The following SLC39A11 variants were observed in gnomAD, a reference collection of about 807,000 sequenced individuals.
SLC39A11 encodes the protein zinc transporter ZIP11.
SLC39A11 carries 33 observed loss-of-function variants against 36.1 expected under a neutral mutation model. That is an observed-to-expected ratio of 0.91 (90% CI 0.69 to 1.22). SLC39A11 has a LOEUF of 1.22. SLC39A11 is among the 50% of genes most tolerant of loss of function. The pLI is 0.00. For missense variants in SLC39A11, 432 were observed against 430.3 expected (o/e 1.00, Z -0.03); for synonymous variants, 166 against 170.3 (o/e 0.97, Z 0.20).
intron 5 of SLC39A11, among the ~76,000 whole-genome samples, chr17:72,903,416 T>A (rs2082495514): frequency 6.6e-6 from 1 of 152,144 alleles, no homozygotes; most frequent in Non-Finnish European, 1.5e-5. Context: ...CAACTCCATC[T>A]ATAATACTCG....
intron 4 of SLC39A11, among the ~76,000 whole-genome samples, chr17:72,953,150 C>T (rs1173828322): frequency 6.6e-6 from 1 of 151,996 alleles, no homozygotes; most frequent in Non-Finnish European, 1.5e-5. Flanking sequence ...CACCCACCAC[C>T]CAGGGCCACG....
intron 6 of SLC39A11, among the ~76,000 whole-genome samples, chr17:72,789,237 G>A (rs1444554769): frequency 6.6e-6 from 1 of 152,100 alleles, no homozygotes; most frequent in Non-Finnish European, 1.5e-5. Flanking sequence ...GTTTCAACAC[G>A]TTGGCCAGGC....
intron 6 of SLC39A11, among the ~76,000 whole-genome samples, chr17:72,830,531 C>T (rs2078235057): frequency 6.6e-6 from 1 of 152,130 alleles, no homozygotes; most frequent in Non-Finnish European, 1.5e-5. Flanking sequence ...GCAACCTGAA[C>T]AAAAACAAGG....
intron 7 of SLC39A11, among the ~76,000 whole-genome samples, chr17:72,705,093 A>G (rs1439202604): frequency 6.6e-6 from 1 of 152,210 alleles, no homozygotes; most frequent in Admixed American, 6.5e-5. Flanking sequence ...GCCTGAAACC[A>G]GCATCCCAGA....
At chr17:72,985,422 T>TTTTA (rs2088661840) in intron 4 of SLC39A11, among the ~76,000 whole-genome samples, 1 of 141,574 alleles carries the variant, frequency 7.1e-6, no homozygotes, top group Admixed American at 7.0e-5. Flanking sequence ...TTTTTTTTTT[T>TTTTA]TTTTTTTTGA....
chr17:73,068,304 C>T, intron 3 of SLC39A11: 2 of 615,976 alleles, frequency 3.2e-6, no homozygotes, highest in Admixed American at 2.9e-5. Context: ...CTTGGAGAGA[C>T]TCCGGGGTCT....
At chr17:72,922,487 G>A (rs1401731916) in intron 5 of SLC39A11, among the ~76,000 whole-genome samples, 1 of 152,262 alleles carries the variant, frequency 6.6e-6, no homozygotes, top group East Asian at 1.9e-4. Flanking sequence ...GGGTTGAGAT[G>A]TGTGCATAAG....
chr17:72,894,752 G>A (rs1489286407), intron 5 of SLC39A11, among the ~76,000 whole-genome samples: 2 of 152,090 alleles, frequency 1.3e-5, no homozygotes, highest in African/African-American at 4.8e-5. Flanking sequence ...TTTCAGAGAG[G>A]GGAATAATTA....
At chr17:72,966,719 G>A (rs1341974936) in intron 4 of SLC39A11, among the ~76,000 whole-genome samples, 21 of 152,184 alleles carry the variant, frequency 1.4e-4, no homozygotes, top group African/African-American at 4.3e-4. Context: ...ACAGGCGCCC[G>A]CCACCACGCC....
intron 2 of SLC39A11, among the ~76,000 whole-genome samples, chr17:73,087,546 T>C (rs1568254491): frequency 6.6e-6 from 1 of 152,048 alleles, no homozygotes; most frequent in Non-Finnish European, 1.5e-5. Context: ...CTGAGGGTGA[T>C]CTGGGTTGGA....
At chr17:72,714,391 A>T (rs1433378019) in intron 7 of SLC39A11, among the ~76,000 whole-genome samples, 1 of 142,760 alleles carries the variant, frequency 7.0e-6, no homozygotes, top group African/African-American at 2.6e-5. Flanking sequence ...AAATAATAAT[A>T]ATTGCGGTTT....
intron 4 of SLC39A11, among the ~76,000 whole-genome samples, chr17:72,954,004 G>A (rs1219528132): frequency 1.3e-5 from 2 of 152,210 alleles, no homozygotes; most frequent in Non-Finnish European, 2.9e-5. Flanking sequence ...GACCCTGCAC[G>A]TTGCTGGCCC....
intron 5 of SLC39A11, among the ~76,000 whole-genome samples, chr17:72,892,265 T>G (rs2081791129): frequency 6.6e-6 from 1 of 151,506 alleles, no homozygotes; most frequent in Non-Finnish European, 1.5e-5. Flanking sequence ...AAAAAATTAG[T>G]CAGGTGTGAT....
rs117454925 is a variant in SLC39A11, at chr17:72,997,217, C to T, written c.306+34339G>A. ...CACTTTGTGCCACAGCAACAATGAA[C>T]GAGCCGGCCTGCTGCAAGGTCTCTT... On this transcript the variant is annotated intron_variant, in intron 4 of 9. Coordinates refer to ENST00000255559, the MANE Select transcript of SLC39A11 (RefSeq NM_139177.4). Among the ~76,000 whole-genome samples, 1,008 of 152,188 alleles carry T rather than the reference C, an allele frequency of 6.6e-3. 17 individuals carry two copies. The highest frequency in any genetic ancestry group is 0.056 in the South Asian group (271 of 4,812).
intron 6 of SLC39A11, among the ~76,000 whole-genome samples, chr17:72,804,568 C>G (rs1162451159): frequency 2.0e-5 from 3 of 152,204 alleles, no homozygotes; most frequent in Non-Finnish European, 4.4e-5. Flanking sequence ...AAGCAACATA[C>G]AAGCATTTGT....
At chr17:72,983,074 A>T (rs568954419) in intron 4 of SLC39A11, among the ~76,000 whole-genome samples, 1 of 152,350 alleles carries the variant, frequency 6.6e-6, no homozygotes, top group East Asian at 1.9e-4. Flanking sequence ...GGAACTGATT[A>T]GATAACTCAC....
At chr17:72,998,075 A>G (rs1428411862) in intron 4 of SLC39A11, among the ~76,000 whole-genome samples, 2 of 152,214 alleles carry the variant, frequency 1.3e-5, no homozygotes, top group Admixed American at 1.3e-4. Flanking sequence ...ACCACGGGGT[A>G]TGTAACTGCT....
In SLC39A11 at chr17:72,877,873, G is replaced by T. The variant is rs1402981056; in HGVS notation, c.431-28069C>A. Among the ~76,000 whole-genome samples the T allele has an allele frequency of 7.3e-5, 11 of 151,220 alleles. No homozygotes were observed. In the East Asian group the frequency reaches 2.1e-3, roughly 29 times the overall value. ...TAGGGTACATGTGCACAACATGCAG[G>T]TTTGTTACATACGTATACATGTGCC... On this transcript the variant is annotated intron_variant, in intron 5 of 9. Transcript: ENST00000255559.
chr17:72,704,707 C>A (rs901843388), intron 7 of SLC39A11, among the ~76,000 whole-genome samples: 4 of 104,380 alleles, frequency 3.8e-5, no homozygotes, highest in Non-Finnish European at 7.4e-5. Context: ...CATGACCTGG[C>A]AGTTCCCTGG....
Sources: allele counts gnomAD v4.1 joint callset (sites outside exome capture counted in the v4.1 genomes callset), GRCh38; gene constraint gnomAD v4.1.1; transcripts MANE v1.5; gene names NCBI Gene and HGNC (gene_info 2026-07-23, HGNC 2026-07-21).